PRUNE2: variants seen among roughly 807,000 people sequenced by gnomAD.
PRUNE2 encodes protein prune homolog 2.
A neutral mutation model predicts 252.0 loss-of-function variants in PRUNE2; 164 were observed. The ratio of observed to expected loss-of-function variants is 0.65; its 90% confidence interval spans 0.57 to 0.74. The LOEUF is 0.74. Ranked by LOEUF, PRUNE2 falls within the 30% of genes least tolerant of loss-of-function variation. The pLI, the probability that PRUNE2 is intolerant of heterozygous loss-of-function variation, is 0.00. For missense variants in PRUNE2, 3,495 were observed against 3,711.0 expected (o/e 0.94, Z 1.51); for synonymous variants, 1,292 against 1,350.2 (o/e 0.96, Z 0.94).
intron 1 of PRUNE2, among the ~76,000 whole-genome samples, chr9:76,883,278 T>A (rs754429434): frequency 2.0e-5 from 3 of 152,160 alleles, no homozygotes; most frequent in Non-Finnish European, 4.4e-5. Flanking sequence ...TCCATCTTAC[T>A]CCCCACAGTA....
At chr9:76,763,914 G>A (rs1445084974) in intron 6 of PRUNE2, among the ~76,000 whole-genome samples, 2 of 152,194 alleles carry the variant, frequency 1.3e-5, no homozygotes, top group South Asian at 2.1e-4. Context: ...TAAGCACTTC[G>A]ATTGAGTTAC....
chr9:76,724,303 C>CAAAAAAAAAA (rs796291956), intron 6 of PRUNE2, among the ~76,000 whole-genome samples: 2 of 69,420 alleles, frequency 2.9e-5, no homozygotes, highest in African/African-American at 5.5e-5. Context: ...GATAGAAATA[C>CAAAAAAAAAA]AAAAAAAAAA....
chr9:76,674,226 T>C (rs375000355), intron 9 of PRUNE2, among the ~76,000 whole-genome samples: 3 of 152,128 alleles, frequency 2.0e-5, no homozygotes, highest in East Asian at 3.9e-4. Flanking sequence ...ACAAAATCAA[T>C]GTACAAAAAT....
chr9:76,649,641 G>GATAC (rs1231138237), intron 11 of PRUNE2, among the ~76,000 whole-genome samples: 3 of 151,202 alleles, frequency 2.0e-5, no homozygotes, highest in Admixed American at 6.6e-5. Flanking sequence ...TAGATAGATA[G>GATAC]ATAGAATAGG....
chr9:76,879,669 C>T (rs973722864), intron 1 of PRUNE2, among the ~76,000 whole-genome samples: 2 of 151,646 alleles, frequency 1.3e-5, no homozygotes, highest in Non-Finnish European at 2.9e-5. Context: ...CCAAAGAAGC[C>T]TCCTTGGAAT....
intron 9 of PRUNE2, among the ~76,000 whole-genome samples, chr9:76,687,829 G>A (rs774422331): frequency 8.1e-6 from 1 of 123,186 alleles, no homozygotes; most frequent in Non-Finnish European, 1.7e-5. Context: ...GCACAGGAGG[G>A]GCTAAAAGAC....
At chr9:76,615,757 T>C (rs2131828008) in intron 18 of PRUNE2, among the ~76,000 whole-genome samples, 1 of 144,242 alleles carries the variant, frequency 6.9e-6, no homozygotes, top group South Asian at 2.2e-4. Flanking sequence ...TTGTTGTTGT[T>C]TTGTGTGTGT....
intron 6 of PRUNE2, among the ~76,000 whole-genome samples, chr9:76,776,209 G>A (rs187091070): frequency 3.5e-4 from 53 of 152,328 alleles, no homozygotes; most frequent in Admixed American, 1.1e-3. Flanking sequence ...TAGTGGTGAA[G>A]TCTGAGCTTT....
intron 9 of PRUNE2, among the ~76,000 whole-genome samples, chr9:76,655,792 T>TA (rs1848972993): frequency 1.3e-5 from 2 of 152,176 alleles, no homozygotes; most frequent in Non-Finnish European, 1.5e-5. Context: ...AAACAACTAA[T>TA]AAAATATACT....
At chr9:76,854,034 A>C (rs184070603) in intron 2 of PRUNE2, 70 bp downstream of exon 2, 47 of 760,658 alleles carry the variant, frequency 6.2e-5, no homozygotes, top group Non-Finnish European at 8.9e-5. Flanking sequence ...CTTTGTTTAG[A>C]GAAAATGTTT....
chr9:76,717,765 T>C (rs1376683132), intron 6 of PRUNE2, among the ~76,000 whole-genome samples: 6 of 152,120 alleles, frequency 3.9e-5, no homozygotes, highest in Admixed American at 2.6e-4. Flanking sequence ...TTATGAATCA[T>C]TGCAACTGGG....
chr9:76,661,637 T>C (rs1290908426), intron 9 of PRUNE2, among the ~76,000 whole-genome samples: 1 of 152,248 alleles, frequency 6.6e-6, no homozygotes, highest in Non-Finnish European at 1.5e-5. Flanking sequence ...GGAATAATTC[T>C]TCAGAAGATG....
At chr9:76,860,024 C>G (rs1242579722) in intron 1 of PRUNE2, among the ~76,000 whole-genome samples, 2 of 152,068 alleles carry the variant, frequency 1.3e-5, no homozygotes, top group Non-Finnish European at 2.9e-5. Context: ...TTTCAGGGTA[C>G]TTTAGTGGGC....
At chr9:76,865,594 AATG>A (rs2060788184) in intron 1 of PRUNE2, among the ~76,000 whole-genome samples, 2 of 152,184 alleles carry the variant, frequency 1.3e-5, no homozygotes, top group South Asian at 4.1e-4. Context: ...TGTCAGTGAA[AATG>A]ATAATATCGG....
At chr9:76,645,209 G>A in intron 11 of PRUNE2, 1 of 265,486 alleles carries the variant, frequency 3.8e-6, no homozygotes, top group Non-Finnish European at 7.2e-6. Context: ...TCTTGCATGG[G>A]TAGTGGTCCA....
intron 9 of PRUNE2, among the ~76,000 whole-genome samples, chr9:76,683,924 A>G (rs1427935836): frequency 6.6e-6 from 1 of 150,784 alleles, no homozygotes; most frequent in African/African-American, 2.4e-5. Flanking sequence ...TAAAATATAT[A>G]TAGTATACAT....
chr9:76,740,626 T>C (rs900998948), intron 6 of PRUNE2, among the ~76,000 whole-genome samples: 3 of 152,152 alleles, frequency 2.0e-5, no homozygotes, highest in Admixed American at 6.5e-5. Flanking sequence ...TGAAAAAACA[T>C]CTATTGGTTC....
At chr9:76,892,751 T>C (rs1169832035) in intron 1 of PRUNE2, among the ~76,000 whole-genome samples, 2 of 152,154 alleles carry the variant, frequency 1.3e-5, no homozygotes, top group Admixed American at 6.5e-5. Flanking sequence ...TCAATGAAAG[T>C]GGGTGATTTT....
chr9:76,890,590 A>G (rs12350566), intron 1 of PRUNE2, among the ~76,000 whole-genome samples: 2,277 of 152,300 alleles, frequency 0.015, 59 homozygotes, highest in African/African-American at 0.052. Context: ...TTTAACAACT[A>G]TGCAGATCAC....
Sources: gnomAD v4.1 joint callset for allele counts (sites outside exome capture counted in the v4.1 genomes callset) on GRCh38, gnomAD v4.1.1 for gene constraint, MANE v1.5 for transcripts, NCBI Gene and HGNC (gene_info 2026-07-23, HGNC 2026-07-21) for gene names.